Variants in TGFA observed in about 807,000 individuals in gnomAD.
The protein encoded by TGFA is transforming growth factor alpha.
In TGFA, 12 loss-of-function variants were observed where a neutral mutation model predicts 21.7. The observed-to-expected ratio is 0.55, with a 90% CI of 0.35 to 0.90. The LOEUF is 0.90. Among genes scored for constraint, TGFA ranks in the 40% least tolerant of loss-of-function variants. The pLI is 0.01. For synonymous variants in TGFA, 79 were observed against 88.1 expected (o/e 0.90, Z 0.58); for missense variants, 178 against 210.8 (o/e 0.84, Z 0.96).
chr2:70,456,427 C>T lies in TGFA; in HGVS notation c.277G>A (p.Ala93Thr), dbSNP rs1553490560. Residue 93 changes from alanine to threonine, a missense_variant, in exon 4 of 6, where the codon GCC becomes ACC. By Grantham distance (58) the Ala-to-Thr change is moderately conservative. Coordinates refer to ENST00000295400, the MANE Select transcript of TGFA (RefSeq NM_003236.4). ...GTGATGGCCTGCTTCTTCTGGCTGG[C>T]AGCCACCACGGCCAGGAGGTCCGCA... ...EHADLLAVVA[A>T]SQKKQAITAL... The T allele has an allele frequency of 2.5e-6, 4 of 1,603,020 alleles. No individual in the cohort carries two copies. In the Admixed American group the frequency reaches 6.8e-5, roughly 27 times the overall value.
At chr2:70,480,815 C>A (rs782621475) in intron 2 of TGFA, among the ~76,000 whole-genome samples, 1 of 150,104 alleles carries the variant, frequency 6.7e-6, no homozygotes, top group Non-Finnish European at 1.5e-5. Flanking sequence ...CTGCAACCCC[C>A]CTCCCTCTCT....
chr2:70,509,138 T>C (rs1445964292), intron 2 of TGFA, among the ~76,000 whole-genome samples: 1 of 152,230 alleles, frequency 6.6e-6, no homozygotes, highest in Non-Finnish European at 1.5e-5. Context: ...TCTTGTATTA[T>C]AGACACATAT....
rs373155259 is a variant in TGFA at position 70,479,743 on chromosome 2, T to C, written c.95-14007A>G. Among the ~76,000 whole-genome samples the C allele has an allele frequency of 2.3e-4, 35 of 152,330 alleles. No homozygotes were observed. In the East Asian group the frequency reaches 6.6e-3, roughly 29 times the overall value. ...TTTACTGTGATATCTAATCTTCTGC[T>C]CATTAGTGTATTATGGATTTAAAAT... On this transcript the variant is annotated intron_variant, in intron 2 of 5. Coordinates refer to ENST00000295400, the MANE Select transcript of TGFA (RefSeq NM_003236.4).
chr2:70,517,257 C>T (rs1278005512), intron 1 of TGFA, among the ~76,000 whole-genome samples: 1 of 152,182 alleles, frequency 6.6e-6, no homozygotes, highest in Non-Finnish European at 1.5e-5. Flanking sequence ...AAGAATAGGT[C>T]CTTTCTATAC....
intron 2 of TGFA, among the ~76,000 whole-genome samples, chr2:70,476,398 T>C (rs1670936433): frequency 6.6e-6 from 1 of 152,230 alleles, no homozygotes; most frequent in Admixed American, 6.5e-5. Flanking sequence ...AGCCCAGTCC[T>C]GCTGGATGGG....
intron 1 of TGFA, 110 bp from the exon 2 acceptor site, chr2:70,515,022 G>A (rs1672229538): frequency 2.1e-6 from 2 of 948,034 alleles, no homozygotes; most frequent in Non-Finnish European, 3.2e-6. Flanking sequence ...TAGTTTCACA[G>A]AGTGGCCGGT....
chr2:70,508,013 C>CTTATGTAACTTAATTACATA (rs1671980759), intron 2 of TGFA, among the ~76,000 whole-genome samples: 2 of 152,338 alleles, frequency 1.3e-5, no homozygotes, highest in South Asian at 4.1e-4. Flanking sequence ...CATTATTGCA[C>CTTATGTAACTTAATTACATA]TTATGTAACT....
chr2:70,538,944 CG>C (rs1673052255), intron 1 of TGFA, among the ~76,000 whole-genome samples: 1 of 152,162 alleles, frequency 6.6e-6, no homozygotes, highest in Non-Finnish European at 1.5e-5. Context: ...CAAATTTCAT[CG>C]TTGTCTTATT....
rs1165031730 is a variant in TGFA, at chr2:70,504,481, CAT to C, written c.94+10376_94+10377del. ...ATATATATACACACATACATACATA[CAT>C]ACACACACACACACACACACACACA... On this transcript the variant is annotated intron_variant, in intron 2 of 5. Coordinates refer to ENST00000295400, the MANE Select transcript of TGFA (RefSeq NM_003236.4). Among the ~76,000 whole-genome samples the C allele has an allele frequency of 8.7e-3, 631 of 72,816 alleles. 10 individuals are homozygous for C. Among genetic ancestry groups the C allele is most frequent in the African/African-American group, 0.025 (573 of 22,508 alleles). 47.8% of individuals were successfully genotyped at this position (72,816 alleles called of 152,430 possible).
rs564076631 is a variant in TGFA at position 70,553,811 on chromosome 2, C to T, written c.-44G>A. On this transcript the variant is annotated 5_prime_UTR_variant, in exon 1 of 6. Coordinates refer to ENST00000295400, the MANE Select transcript of TGFA (RefSeq NM_003236.4). The stretch of plus-strand genomic sequence containing the variant: ...GCAGGCTCTCCAGCCTCCTGCCCTA[C>T]CTGCGGTGCCCGAGTGGCGGAGCGG... 5 of 1,251,208 alleles carry T rather than the reference C, an allele frequency of 4.0e-6. No individual in the cohort carries two copies. In the South Asian group the frequency reaches 1.2e-4, roughly 29 times the overall value. 77.5% of individuals were successfully genotyped at this position (1,251,208 alleles called of 1,614,324 possible). A position where few individuals can be genotyped will look rare whatever the true frequency, so the allele number is the denominator to read the frequency against.
In TGFA at chr2:70,447,782, T is replaced by G. The variant is rs1358727329; in HGVS notation, c.*3077A>C. 1 of 152,216 alleles carries G rather than the reference T, an allele frequency of 6.6e-6. No homozygotes were observed. Among genetic ancestry groups the G allele is most frequent in the Non-Finnish European group, 1.5e-5 (1 of 68,042 alleles). 9.4% of individuals were successfully genotyped at this position (152,216 alleles called of 1,614,324 possible). On this transcript the variant is annotated 3_prime_UTR_variant, in exon 6 of 6. Transcript: ENST00000295400. ...CAATGTGTTCTTGGTTTTGGGCATT[T>G]GAGTCATTCCTCCTTCTGTGACTGG...
At chr2:70,543,433 C>T (rs898217340) in intron 1 of TGFA, among the ~76,000 whole-genome samples, 5 of 149,946 alleles carry the variant, frequency 3.3e-5, no homozygotes, top group Admixed American at 6.7e-5. Flanking sequence ...GGCTGAGGCA[C>T]GAGAATTGCT....
At chr2:70,536,189 GA>G (rs1672961918) in intron 1 of TGFA, among the ~76,000 whole-genome samples, 1 of 152,174 alleles carries the variant, frequency 6.6e-6, no homozygotes, top group Non-Finnish European at 1.5e-5. Flanking sequence ...ATTAAAGAAT[GA>G]CGAAGTTACT....
chr2:70,463,661 T>C (rs1222023038), intron 3 of TGFA, among the ~76,000 whole-genome samples: 3 of 152,178 alleles, frequency 2.0e-5, no homozygotes, highest in Non-Finnish European at 4.4e-5. Flanking sequence ...GGATTCTCTC[T>C]ACTCATAGCC....
chr2:70,460,017 A>G lies in TGFA; in HGVS notation c.216-3529T>C, dbSNP rs571162673. Reference sequence around the variant, plus strand: ...CTCACCTACAGTTGGGACCTCCCCAATCAAAATCTCTCTGCAAATGGGGCC... The same window carrying G: ...CTCACCTACAGTTGGGACCTCCCCAGTCAAAATCTCTCTGCAAATGGGGCC... On this transcript the variant is annotated intron_variant, in intron 3 of 5. Transcript: ENST00000295400. Among the ~76,000 whole-genome samples, 9 of 152,212 alleles carry G rather than the reference A, an allele frequency of 5.9e-5. No homozygotes were observed. The South Asian group carries it at 6.2e-4, about 11-fold the overall frequency.
intron 3 of TGFA, among the ~76,000 whole-genome samples, chr2:70,458,465 C>A (rs1048621192): frequency 6.6e-6 from 1 of 152,070 alleles, no homozygotes; most frequent in East Asian, 1.9e-4. Context: ...CACCTAGGTT[C>A]CAGCCAATCC....
In TGFA at chr2:70,514,197, G is replaced by A. The variant is rs528452010; in HGVS notation, c.94+662C>T. 3.3e-5 allele frequency among the ~76,000 whole-genome samples: 5 copies of A among 152,244 alleles called. No individual in the cohort carries two copies. In the East Asian group the frequency reaches 9.7e-4, roughly 29 times the overall value. Reference sequence around the variant, plus strand: ...TTCCAGCAACATGGAACAATGCACAGCCCCAACATTTGAGCTTAAAAAGCA... The same window carrying A: ...TTCCAGCAACATGGAACAATGCACAACCCCAACATTTGAGCTTAAAAAGCA... On this transcript the variant is annotated intron_variant, in intron 2 of 5. Coordinates refer to ENST00000295400, the MANE Select transcript of TGFA (RefSeq NM_003236.4).
intron 2 of TGFA, among the ~76,000 whole-genome samples, chr2:70,498,738 A>G (rs1277824827): frequency 6.6e-6 from 1 of 152,148 alleles, no homozygotes; most frequent in Admixed American, 6.5e-5. Flanking sequence ...CACACCTGCC[A>G]GTGTATAATG....
intron 3 of TGFA, among the ~76,000 whole-genome samples, chr2:70,464,672 C>G (rs1292985666): frequency 6.6e-6 from 1 of 152,170 alleles, no homozygotes; most frequent in Non-Finnish European, 1.5e-5. Flanking sequence ...TAATAGTATT[C>G]TATTATAGAC....
Sources: gnomAD v4.1 joint callset for allele counts (sites outside exome capture counted in the v4.1 genomes callset) on GRCh38, gnomAD v4.1.1 for gene constraint, MANE v1.5 for transcripts, NCBI Gene and HGNC (gene_info 2026-07-23, HGNC 2026-07-21) for gene names.